The following GDA variants were observed in gnomAD, a reference collection of about 807,000 sequenced individuals.
GDA encodes the protein cytoplasmic PSD-95 interactor.
A neutral mutation model predicts 59.6 loss-of-function variants in GDA; 18 were observed. The ratio of observed to expected loss-of-function variants is 0.30; its 90% CI spans 0.21 to 0.45. The LOEUF (loss-of-function observed/expected upper bound fraction) is 0.45. GDA is among the 20% of genes least tolerant of loss of function. GDA has a pLI of 1.00. For synonymous variants in GDA, 201 were observed against 201.1 expected (o/e 1.00, Z 0.00); for missense variants, 427 against 552.3 (o/e 0.77, Z 2.27).
At chr9:72,124,689 T>A (rs1258466017) in intron 1 of GDA, among the ~76,000 whole-genome samples, 1 of 152,224 alleles carries the variant, frequency 6.6e-6, no homozygotes, top group East Asian at 1.9e-4. Flanking sequence ...TCTTTTTTTT[T>A]AATTTCTAAA....
chr9:72,195,654 T>G, intron 2 of GDA, 66 bp downstream of exon 2: 2 of 597,180 alleles, frequency 3.3e-6, no homozygotes. Context: ...AAAACCTGCC[T>G]TGAGAGACAG....
rs527728155 is a variant in GDA at position 72,219,370 on chromosome 9, T to A, written c.579-109T>A. The A allele has an allele frequency of 1.8e-3, 1,342 of 763,442 alleles. 4 individuals are homozygous for A. The highest frequency in any genetic ancestry group is 3.4e-3 in the Middle Eastern group (9 of 2,636). 47.3% of individuals were successfully genotyped at this position (763,442 alleles called of 1,614,324 possible). A position where few individuals can be genotyped will look rare whatever the true frequency, so the allele number is the denominator to read the frequency against. ...GTGAGCCGAGATCGCACCACTTCAC[T>A]CCAGCCTGGGCGACAGAGCCAGACT... On this transcript the variant is annotated intron_variant, in intron 5 of 13. Coordinates refer to ENST00000358399, the MANE Select transcript of GDA (RefSeq NM_004293.5).
downstream of GDA, among the ~76,000 whole-genome samples, chr9:72,255,809 G>C (rs1217944116): frequency 6.6e-6 from 1 of 152,056 alleles, no homozygotes; most frequent in Non-Finnish European, 1.5e-5. Flanking sequence ...TATTAAAGCT[G>C]GGTAATAGGC....
At chr9:72,203,352 A>G (rs1392638225) in intron 3 of GDA, among the ~76,000 whole-genome samples, 4 of 152,186 alleles carry the variant, frequency 2.6e-5, no homozygotes, top group Admixed American at 2.6e-4. Flanking sequence ...GGAAAATAGG[A>G]TGGTCCCATA....
chr9:72,239,637 CA>C (rs1257432249), intron 10 of GDA, among the ~76,000 whole-genome samples: 1 of 151,918 alleles, frequency 6.6e-6, no homozygotes, highest in Non-Finnish European at 1.5e-5. Flanking sequence ...GTTGTTTTAG[CA>C]ATAAAGAAGG....
chr9:72,200,064 C>A (rs532398352), intron 2 of GDA, among the ~76,000 whole-genome samples: 79 of 139,408 alleles, frequency 5.7e-4, no homozygotes, highest in African/African-American at 2.1e-3. Flanking sequence ...GTGGCATGAT[C>A]TCTGCTCACC....
intron 1 of GDA, among the ~76,000 whole-genome samples, chr9:72,118,254 A>T (rs1283123003): frequency 1.7e-5 from 2 of 119,586 alleles, no homozygotes; most frequent in Non-Finnish European, 3.5e-5. Flanking sequence ...CCTGGGCGAC[A>T]GAGCAAGAGA....
intron 10 of GDA, among the ~76,000 whole-genome samples, chr9:72,240,600 T>A (rs1283394816): frequency 2.0e-5 from 3 of 152,120 alleles, no homozygotes; most frequent in African/African-American, 7.2e-5. Flanking sequence ...GATCTCAAGA[T>A]GAGATTATTC....
chr9:72,226,117 G>C (rs796263603), intron 8 of GDA, among the ~76,000 whole-genome samples: 30 of 152,060 alleles, frequency 2.0e-4, no homozygotes, highest in African/African-American at 6.8e-4. Context: ...TTGGTCCAAG[G>C]ACATTTTAAC....
At chr9:72,162,850 G>T (rs1828814312) in intron 1 of GDA, among the ~76,000 whole-genome samples, 1 of 152,070 alleles carries the variant, frequency 6.6e-6, no homozygotes, top group African/African-American at 2.4e-5. Context: ...GTAGAGACAG[G>T]GTTTCACCGT....
intron 9 of GDA, 25 bp from the exon 10 acceptor site, chr9:72,231,088 TG>T: frequency 7.4e-7 from 1 of 1,356,218 alleles, no homozygotes; most frequent in African/African-American, 1.4e-5. Flanking sequence ...TGGATCTCCT[TG>T]TTCTGACATC....
intron 4 of GDA, among the ~76,000 whole-genome samples, chr9:72,212,025 G>C (rs962901527): frequency 6.6e-6 from 1 of 152,198 alleles, no homozygotes; most frequent in Non-Finnish European, 1.5e-5. Flanking sequence ...TTATGACAGA[G>C]ATGGAGACAC....
chr9:72,246,949 A>G (rs780891066), intron 12 of GDA, among the ~76,000 whole-genome samples: 1 of 152,034 alleles, frequency 6.6e-6, no homozygotes. Flanking sequence ...CCCCTCCCTC[A>G]TCCCTCTTTT....
chr9:72,203,464 A>G (rs770697739), intron 3 of GDA, among the ~76,000 whole-genome samples: 6 of 152,292 alleles, frequency 3.9e-5, no homozygotes, highest in Non-Finnish European at 5.9e-5. Context: ...TACCAGCCAT[A>G]TGTTGAAGGC....
chr9:72,212,428 G>T (rs1835498942), intron 4 of GDA, among the ~76,000 whole-genome samples: 1 of 151,850 alleles, frequency 6.6e-6, no homozygotes, highest in Non-Finnish European at 1.5e-5. Context: ...CTTTCAGTGA[G>T]CTGAGATTGT....
At chr9:72,150,302 CTT>C (rs920769361) in intron 1 of GDA, among the ~76,000 whole-genome samples, 21 of 151,044 alleles carry the variant, frequency 1.4e-4, no homozygotes, top group South Asian at 6.3e-4. Flanking sequence ...CTCTCTCTCT[CTT>C]ATACACACAC....
At chr9:72,236,513 C>G (rs1839007330) in intron 10 of GDA, among the ~76,000 whole-genome samples, 1 of 152,196 alleles carries the variant, frequency 6.6e-6, no homozygotes. Flanking sequence ...ACACACCTTT[C>G]TGCATCTGCT....
chr9:72,197,567 T>G (rs1169273629), intron 2 of GDA: 1 of 152,170 alleles, frequency 6.6e-6, no homozygotes, highest in Non-Finnish European at 1.5e-5. Flanking sequence ...ACTGTGGGTC[T>G]TCACTTCCTT....
chr9:72,259,376 G>C (rs10781091), downstream of GDA, among the ~76,000 whole-genome samples: 10 of 152,080 alleles, frequency 6.6e-5, no homozygotes, highest in South Asian at 2.1e-3. Flanking sequence ...GTCTTTCTAC[G>C]ATGTGGCTCC....
Sources: allele counts gnomAD v4.1 joint callset (sites outside exome capture counted in the v4.1 genomes callset), GRCh38; gene constraint gnomAD v4.1.1; transcripts MANE v1.5; gene names NCBI Gene and HGNC (gene_info 2026-07-23, HGNC 2026-07-21).